CNTNAP2: variants seen among roughly 807,000 people sequenced by gnomAD.
CNTNAP2 encodes the protein contactin associated protein 2.
In CNTNAP2, 98 loss-of-function variants were observed where a neutral mutation model predicts 155.2. The ratio of observed to expected loss-of-function variants is 0.63; its 90% CI spans 0.54 to 0.75. The LOEUF is 0.75. CNTNAP2 is among the 30% of genes least tolerant of loss of function. The pLI is 0.00. For synonymous variants in CNTNAP2, 651 were observed against 631.2 expected (o/e 1.03, Z -0.47); for missense variants, 1,727 against 1,688.1 (o/e 1.02, Z -0.40).
chr7:148,268,889 A>T (rs1222095495), intron 21 of CNTNAP2, among the ~76,000 whole-genome samples: 1 of 152,064 alleles, frequency 6.6e-6, no homozygotes, highest in Admixed American at 6.6e-5. Flanking sequence ...GCAATCAGAC[A>T]CCAAGGGAGC....
chr7:147,430,226 A>G (rs1797442621), intron 10 of CNTNAP2, among the ~76,000 whole-genome samples: 1 of 152,186 alleles, frequency 6.6e-6, no homozygotes. Context: ...AAACATTTTG[A>G]CAAATGCATT....
chr7:147,486,176 G>T (rs1584764398), intron 11 of CNTNAP2, 135 bp downstream of exon 11: 11 of 596,292 alleles, frequency 1.8e-5, no homozygotes, highest in South Asian at 1.1e-4. Context: ...GATTCCAATT[G>T]TCATTTCTCC....
At chr7:146,713,679 C>A (rs772641239) in intron 1 of CNTNAP2, among the ~76,000 whole-genome samples, 3 of 152,082 alleles carry the variant, frequency 2.0e-5, no homozygotes, top group Non-Finnish European at 2.9e-5. Context: ...ACAGTATATC[C>A]AAACATGTCT....
chr7:146,502,365 C>G (rs1237213028), intron 1 of CNTNAP2, among the ~76,000 whole-genome samples: 1 of 150,898 alleles, frequency 6.6e-6, no homozygotes, highest in East Asian at 2.0e-4. Flanking sequence ...TCAGGTATCT[C>G]TTTGATATAC....
intron 10 of CNTNAP2, among the ~76,000 whole-genome samples, chr7:147,399,203 T>C (rs1472444590): frequency 6.6e-6 from 1 of 152,014 alleles, no homozygotes; most frequent in Non-Finnish European, 1.5e-5. Flanking sequence ...TCCAGACTTG[T>C]AGGTTATTGT....
At chr7:147,798,324 AT>A (rs1176501637) in intron 13 of CNTNAP2, among the ~76,000 whole-genome samples, 1 of 152,174 alleles carries the variant, frequency 6.6e-6, no homozygotes, top group Non-Finnish European at 1.5e-5. Flanking sequence ...TACCAGCTTT[AT>A]TAGTAGGTCA....
chr7:148,132,014 C>G (rs2906312), intron 16 of CNTNAP2, among the ~76,000 whole-genome samples: 1 of 151,992 alleles, frequency 6.6e-6, no homozygotes, highest in Non-Finnish European at 1.5e-5. Flanking sequence ...CTATCAAACA[C>G]TGAAATCAAA....
intron 4 of CNTNAP2, among the ~76,000 whole-genome samples, chr7:147,056,700 G>A (rs897708424): frequency 1.4e-4 from 21 of 152,180 alleles, no homozygotes; most frequent in African/African-American, 5.1e-4. Flanking sequence ...GTCCCAGAAG[G>A]CTATCTGAGT....
At chr7:147,145,388 C>A (rs1461559802) in intron 8 of CNTNAP2, among the ~76,000 whole-genome samples, 3 of 152,072 alleles carry the variant, frequency 2.0e-5, no homozygotes, top group African/African-American at 7.2e-5. Flanking sequence ...GGCCAAAAAT[C>A]CTACTGAATA....
intron 15 of CNTNAP2, among the ~76,000 whole-genome samples, chr7:148,078,368 C>A (rs923934789): frequency 6.6e-6 from 1 of 152,196 alleles, no homozygotes; most frequent in Non-Finnish European, 1.5e-5. Flanking sequence ...TGAGCCACCC[C>A]ACCTGGCCAC....
At chr7:146,279,154 T>A (rs193204226) in intron 1 of CNTNAP2, among the ~76,000 whole-genome samples, 1 of 152,106 alleles carries the variant, frequency 6.6e-6, no homozygotes, top group Non-Finnish European at 1.5e-5. Context: ...CCTGTTGTCA[T>A]TGGATTTTGA....
At chr7:147,151,255 A>G (rs769712213) in intron 8 of CNTNAP2, among the ~76,000 whole-genome samples, 3 of 152,210 alleles carry the variant, frequency 2.0e-5, no homozygotes, top group Non-Finnish European at 4.4e-5. Context: ...GTGAAAAACA[A>G]TGAAGTGGCA....
At chr7:146,933,673 T>G (rs913801631) in intron 3 of CNTNAP2, among the ~76,000 whole-genome samples, 4 of 148,376 alleles carry the variant, frequency 2.7e-5, no homozygotes, top group African/African-American at 9.9e-5. Context: ...GGGAGAAAAT[T>G]TTCGCAACCT....
chr7:147,801,314 TTTTTTTTTTTTAA>T (rs1797979898), intron 13 of CNTNAP2, among the ~76,000 whole-genome samples: 1 of 150,856 alleles, frequency 6.6e-6, no homozygotes, highest in South Asian at 2.1e-4. Flanking sequence ...ATGAAGTTTT[TTTTTTTTTTTTAA>T]TTTTTTTTTT....
intron 3 of CNTNAP2, among the ~76,000 whole-genome samples, chr7:146,884,050 T>G (rs1302212789): frequency 6.6e-6 from 1 of 152,104 alleles, no homozygotes; most frequent in Non-Finnish European, 1.5e-5. Flanking sequence ...TTCTAACTAT[T>G]ATTTTACCAG....
intron 13 of CNTNAP2, among the ~76,000 whole-genome samples, chr7:147,653,001 A>G (rs112239490): frequency 5.3e-5 from 8 of 152,326 alleles, no homozygotes; most frequent in African/African-American, 1.9e-4. Flanking sequence ...CCTGACAAGT[A>G]TATTAAAAAA....
chr7:146,159,229 T>A (rs1798178140), intron 1 of CNTNAP2, among the ~76,000 whole-genome samples: 2 of 151,864 alleles, frequency 1.3e-5, no homozygotes, highest in African/African-American at 4.8e-5. Flanking sequence ...TTACAAGAGC[T>A]CCTGAAGGAA....
intron 13 of CNTNAP2, among the ~76,000 whole-genome samples, chr7:147,665,414 G>A (rs1169659198): frequency 6.6e-6 from 1 of 152,160 alleles, no homozygotes; most frequent in Non-Finnish European, 1.5e-5. Context: ...ACTGCCACTA[G>A]AAACATTCTT....
chr7:146,133,306 G>A (rs1471791991), intron 1 of CNTNAP2, among the ~76,000 whole-genome samples: 2 of 151,896 alleles, frequency 1.3e-5, no homozygotes, highest in East Asian at 1.9e-4. Context: ...GTAGATTCTC[G>A]ATATTAGCCC....
Sources: gnomAD v4.1 joint callset for allele counts (sites outside exome capture counted in the v4.1 genomes callset) on GRCh38, gnomAD v4.1.1 for gene constraint, MANE v1.5 for transcripts, NCBI Gene and HGNC (gene_info 2026-07-23, HGNC 2026-07-21) for gene names.